PIK3CB: variants seen among roughly 807,000 people sequenced by gnomAD.
PIK3CB encodes the protein phosphatidylinositol 4,5-bisphosphate 3-kinase catalytic subunit beta isoform.
Under a neutral mutation model 136.8 loss-of-function variants are expected in PIK3CB, and 39 were observed. The observed-to-expected ratio is 0.29, with a 90% CI of 0.22 to 0.37. The LOEUF (loss-of-function observed/expected upper bound fraction) is 0.37, where lower values mean the gene tolerates loss of function less well. PIK3CB is among the 10% of genes least tolerant of loss of function. The pLI is 1.00. For synonymous variants in PIK3CB, 428 were observed against 436.6 expected, an observed-to-expected ratio of 0.98 and a Z score of 0.25; for missense variants, 868 against 1,275.4, an observed-to-expected ratio of 0.68 and a Z score of 4.87.
At chr3:138,771,562 T>C (rs1302793347) in intron 2 of PIK3CB, among the ~76,000 whole-genome samples, 3 of 152,218 alleles carry the variant, frequency 2.0e-5, no homozygotes, top group Admixed American at 1.3e-4. Context: ...TCCGAATTGC[T>C]ATAATTATAT....
chr3:138,672,247 AC>A (rs1367825650), intron 19 of PIK3CB, among the ~76,000 whole-genome samples: 2 of 151,910 alleles, frequency 1.3e-5, no homozygotes, highest in Non-Finnish European at 2.9e-5. Context: ...TTTCCCATCT[AC>A]CCCAGAAACT....
At chr3:138,694,978 G>T in intron 13 of PIK3CB, 71 bp from the exon 14 acceptor site, 2 of 1,461,032 alleles carry the variant, frequency 1.4e-6, no homozygotes, top group Non-Finnish European at 1.8e-6. Flanking sequence ...TGACACACAG[G>T]AGCACCAAGA....
intron 2 of PIK3CB, among the ~76,000 whole-genome samples, chr3:138,783,202 G>C (rs539773846): frequency 4.6e-5 from 7 of 152,200 alleles, no homozygotes; most frequent in African/African-American, 1.7e-4. Context: ...GTAATCTTCT[G>C]ATGAGAATTA....
chr3:138,705,936 C>T (rs1394984894), intron 11 of PIK3CB, among the ~76,000 whole-genome samples: 1 of 152,134 alleles, frequency 6.6e-6, no homozygotes, highest in Non-Finnish European at 1.5e-5. Flanking sequence ...AATTTTTGTA[C>T]AGACAAGGGT....
intron 2 of PIK3CB, among the ~76,000 whole-genome samples, chr3:138,764,795 T>C (rs1226345369): frequency 6.6e-6 from 1 of 152,188 alleles, no homozygotes; most frequent in Non-Finnish European, 1.5e-5. Context: ...CCATATTGCC[T>C]GACCAAATTT....
At chr3:138,786,317 T>C (rs1463852990) in intron 2 of PIK3CB, among the ~76,000 whole-genome samples, 1 of 152,164 alleles carries the variant, frequency 6.6e-6, no homozygotes, top group Non-Finnish European at 1.5e-5. Flanking sequence ...AAACTTTGAA[T>C]AAAAAGTTTA....
intron 8 of PIK3CB, among the ~76,000 whole-genome samples, chr3:138,718,242 C>T (rs1190389914): frequency 6.6e-6 from 1 of 152,164 alleles, no homozygotes; most frequent in African/African-American, 2.4e-5. Context: ...GAGATGGTAT[C>T]TCATTGTGGT....
chr3:138,790,443 T>C (rs2046034725), intron 2 of PIK3CB, among the ~76,000 whole-genome samples: 1 of 148,654 alleles, frequency 6.7e-6, no homozygotes, highest in African/African-American at 2.5e-5. Context: ...CAAAACCCTG[T>C]CCTCATTAAA....
At chr3:138,807,819 C>T (rs141998913) in intron 1 of PIK3CB, among the ~76,000 whole-genome samples, 4 of 150,958 alleles carry the variant, frequency 2.6e-5, no homozygotes, top group African/African-American at 4.9e-5. Context: ...CTTTTGAGCT[C>T]GGGAGGTTGA....
intron 2 of PIK3CB, among the ~76,000 whole-genome samples, chr3:138,767,128 C>G (rs534645134): frequency 6.6e-6 from 1 of 151,876 alleles, no homozygotes; most frequent in Admixed American, 6.6e-5. Flanking sequence ...GAGCCAAGAT[C>G]GTGCCACTGC....
chr3:138,799,969 A>AT (rs1377955825), intron 1 of PIK3CB, among the ~76,000 whole-genome samples: 5 of 152,078 alleles, frequency 3.3e-5, no homozygotes, highest in African/African-American at 1.2e-4. Flanking sequence ...ATAAGCCACC[A>AT]TGCCAGGCTC....
chr3:138,762,515 A>C (rs1026568277), intron 2 of PIK3CB, among the ~76,000 whole-genome samples: 9 of 152,224 alleles, frequency 5.9e-5, no homozygotes, highest in Non-Finnish European at 1.3e-4. Context: ...CAGTCACTAC[A>C]CATGTTATTA....
At chr3:138,746,655 C>T (rs1004826860) in intron 4 of PIK3CB, among the ~76,000 whole-genome samples, 1 of 151,098 alleles carries the variant, frequency 6.6e-6, no homozygotes, top group South Asian at 2.1e-4. Context: ...AGTGAGACTC[C>T]GTCTCAAAAA....
rs150770530 is a variant in PIK3CB at position 138,792,031 on chromosome 3, G to A, written c.-17+4432C>T. 4.7e-3 allele frequency among the ~76,000 whole-genome samples: 721 copies of A among 152,090 alleles called. 5 individuals are homozygous for A. Among genetic ancestry groups the A allele is most frequent in the African/African-American group, 0.016 (651 of 41,488 alleles). On this transcript the variant is annotated intron_variant, in intron 2 of 23. Coordinates refer to ENST00000674063, the MANE Select transcript of PIK3CB (RefSeq NM_006219.3). ...CCATGAATACAACCAACTATGAATC[G>A]AAAATATTGGATGCGGGGCCAGGCC...
At chr3:138,752,366 A>G (rs891522141) in intron 4 of PIK3CB, among the ~76,000 whole-genome samples, 2 of 152,204 alleles carry the variant, frequency 1.3e-5, no homozygotes, top group African/African-American at 2.4e-5. Flanking sequence ...AAATAATTGT[A>G]TATTTTTTCC....
rs1233677578 is a variant in PIK3CB at position 138,737,440 on chromosome 3, CAT to C, written c.801+265_801+266del. On this transcript the variant is annotated intron_variant, in intron 6 of 23. Transcript: ENST00000674063. ...AAAAAAAAGCAAAGCAGAATACAAA[CAT>C]ATACATACACATATTTGTCTGTACA... Among the ~76,000 whole-genome samples, 5 of 93,096 alleles carry C rather than the reference CAT, an allele frequency of 5.4e-5. No homozygotes were observed. The East Asian group carries it at 9.8e-4, about 18-fold the overall frequency. The allele number at this position is 93,096 out of a possible 152,430, so 61.1% of individuals were successfully genotyped here.
intron 8 of PIK3CB, among the ~76,000 whole-genome samples, chr3:138,723,008 CAA>C (rs2044759926): frequency 6.6e-6 from 1 of 151,000 alleles, no homozygotes; most frequent in Non-Finnish European, 1.5e-5. Flanking sequence ...TAAAAAGAAA[CAA>C]GAGTAGGAAA....
intron 5 of PIK3CB, among the ~76,000 whole-genome samples, chr3:138,740,078 C>T (rs113808238): frequency 2.6e-5 from 4 of 151,946 alleles, no homozygotes; most frequent in African/African-American, 9.6e-5. Flanking sequence ...GAGAAACAGG[C>T]CAGGTGCAGT....
At chr3:138,666,097 CAATT>C (rs1353755382) in intron 19 of PIK3CB, among the ~76,000 whole-genome samples, 2 of 152,142 alleles carry the variant, frequency 1.3e-5, no homozygotes, top group East Asian at 1.9e-4. Flanking sequence ...ATGTTTTGCT[CAATT>C]AATAGGTGGC....
Sources: allele counts gnomAD v4.1 joint callset (sites outside exome capture counted in the v4.1 genomes callset), GRCh38; gene constraint gnomAD v4.1.1; transcripts MANE v1.5; gene names NCBI Gene and HGNC (gene_info 2026-07-23, HGNC 2026-07-21).